Variants in RAB31 observed in about 807,000 individuals in gnomAD.
RAB31 encodes RAB31, member RAS oncogene family.
RAB31 carries 21 observed loss-of-function variants against 25.6 expected under a neutral mutation model. The ratio of observed to expected loss-of-function variants is 0.82; its 90% CI spans 0.58 to 1.18. The LOEUF (loss-of-function observed/expected upper bound fraction) is 1.18. RAB31 is among the 50% of genes most tolerant of loss of function. The pLI, the probability that RAB31 is intolerant of heterozygous loss-of-function variation, is 0.00. For missense variants in RAB31, 196 were observed against 250.1 expected (o/e 0.78, Z 1.46); for synonymous variants, 87 against 84.0 (o/e 1.04, Z -0.20).
intron 3 of RAB31, 60 bp from the exon 4 acceptor site, chr18:9,813,960 A>C (rs1421015187): frequency 1.7e-6 from 2 of 1,194,908 alleles, no homozygotes; most frequent in Non-Finnish European, 2.4e-6. Context: ...TTTATGTTTA[A>C]TTTGGGATTG....
At chr18:9,770,887 G>A (rs1358160761) in intron 1 of RAB31, among the ~76,000 whole-genome samples, 1 of 146,168 alleles carries the variant, frequency 6.8e-6, no homozygotes, top group African/African-American at 2.6e-5. Flanking sequence ...ATTTAGGCCA[G>A]TGTGGTGACT....
intron 1 of RAB31, among the ~76,000 whole-genome samples, chr18:9,715,149 A>T (rs1298423642): frequency 6.6e-6 from 1 of 152,102 alleles, no homozygotes; most frequent in East Asian, 1.9e-4. Flanking sequence ...TTGCATGTAT[A>T]GTGGGATATG....
intron 1 of RAB31, among the ~76,000 whole-genome samples, chr18:9,716,512 T>C (rs2068045190): frequency 6.6e-6 from 1 of 152,166 alleles, no homozygotes; most frequent in Non-Finnish European, 1.5e-5. Context: ...ATGTGCTTTA[T>C]GGGAAAAGAA....
intron 3 of RAB31, among the ~76,000 whole-genome samples, chr18:9,798,331 C>T (rs1051483512): frequency 1.4e-5 from 2 of 148,036 alleles, no homozygotes; most frequent in African/African-American, 5.3e-5. Context: ...TGCATCTCTC[C>T]AGTAATGGCA....
chr18:9,782,826 A>G (rs2068412018), intron 2 of RAB31, among the ~76,000 whole-genome samples: 1 of 152,072 alleles, frequency 6.6e-6, no homozygotes, highest in African/African-American at 2.4e-5. Flanking sequence ...CCTCCTGAAT[A>G]GCTGGGACCA....
chr18:9,835,207 G>C (rs545450245), intron 5 of RAB31, among the ~76,000 whole-genome samples: 28 of 152,248 alleles, frequency 1.8e-4, no homozygotes, highest in African/African-American at 6.7e-4. Context: ...GTTCTTGACC[G>C]TCATGGTATC....
chr18:9,803,122 A>T (rs936303903), intron 3 of RAB31, among the ~76,000 whole-genome samples: 8 of 152,158 alleles, frequency 5.3e-5, no homozygotes, highest in African/African-American at 1.9e-4. Context: ...CCAGCCCACG[A>T]TAGAACGTTT....
intron 3 of RAB31, among the ~76,000 whole-genome samples, chr18:9,808,169 T>A (rs1170191145): frequency 6.6e-6 from 1 of 152,050 alleles, no homozygotes; most frequent in Non-Finnish European, 1.5e-5. Flanking sequence ...CTTGGATCCC[T>A]GAATGCTGAG....
chr18:9,777,791 G>A (rs1484925032), intron 2 of RAB31, among the ~76,000 whole-genome samples: 1 of 115,796 alleles, frequency 8.6e-6, no homozygotes, highest in African/African-American at 3.5e-5. Context: ...GTCTTGCTCT[G>A]TCGCCCATGC....
intron 5 of RAB31, among the ~76,000 whole-genome samples, chr18:9,822,497 C>T (rs1347161117): frequency 6.6e-6 from 1 of 152,084 alleles, no homozygotes; most frequent in East Asian, 1.9e-4. Context: ...AATATTTGCT[C>T]TGTGAAATAT....
chr18:9,772,570 G>A (rs751281163), intron 1 of RAB31, among the ~76,000 whole-genome samples: 4 of 152,208 alleles, frequency 2.6e-5, no homozygotes, highest in Non-Finnish European at 4.4e-5. Flanking sequence ...GAGGGTTTGG[G>A]GAATGCCTGT....
chr18:9,847,613 C>T (rs1272010191), intron 6 of RAB31, among the ~76,000 whole-genome samples: 1 of 152,024 alleles, frequency 6.6e-6, no homozygotes, highest in Non-Finnish European at 1.5e-5. Context: ...GTCTTTGTTG[C>T]TCAGGCTGGA....
chr18:9,798,751 T>C (rs988005172), intron 3 of RAB31, among the ~76,000 whole-genome samples: 1 of 150,408 alleles, frequency 6.6e-6, no homozygotes, highest in African/African-American at 2.5e-5. Flanking sequence ...CCTGAGTAGC[T>C]GAGACTACCA....
chr18:9,708,498 T>C lies in RAB31; in HGVS notation c.39+54T>C, dbSNP rs952005394. The C allele has an allele frequency of 1.4e-6, 2 of 1,435,688 alleles. No homozygotes were observed. Among genetic ancestry groups the C allele is most frequent in the Non-Finnish European group, 1.9e-6 (2 of 1,069,916 alleles). The allele number at this position is 1,435,688 out of a possible 1,614,324, so 88.9% of individuals were successfully genotyped here. A position where few individuals can be genotyped will look rare whatever the true frequency, so the allele number is the denominator to read the frequency against. ...ACCCCGGCCCGCGCTCTCGCGCCCC[T>C]TCGCTCCCCTATTCCCTGCGCGCTC... On this transcript the variant is annotated intron_variant, in intron 1 of 6. Coordinates refer to ENST00000578921, the MANE Select transcript of RAB31 (RefSeq NM_006868.4). This position sits in a 1 kb window ranked among gnomAD's most constrained non-coding sequence, Gnocchi z 6.4.
At chr18:9,770,801 A>G (rs531892607) in intron 1 of RAB31, among the ~76,000 whole-genome samples, 1 of 152,020 alleles carries the variant, frequency 6.6e-6, no homozygotes, top group East Asian at 1.9e-4. Flanking sequence ...GAGCTATGCA[A>G]CGTGAAACCA....
chr18:9,814,190 C>A, intron 4 of RAB31, 99 bp downstream of exon 4: 2 of 820,950 alleles, frequency 2.4e-6, no homozygotes, highest in Non-Finnish European at 4.0e-6. Flanking sequence ...TTGCCAGTAG[C>A]GTGCCACTAT....
At chr18:9,719,298 A>AAAATATAT (rs1568161256) in intron 1 of RAB31, among the ~76,000 whole-genome samples, 1 of 23,104 alleles carries the variant, frequency 4.3e-5, no homozygotes, top group Non-Finnish European at 9.0e-5. Flanking sequence ...AAAAAAAAAA[A>AAAATATAT]ATATATATAT....
At chr18:9,857,709 TAGATA>T (rs952530616) in intron 6 of RAB31, among the ~76,000 whole-genome samples, 4 of 150,864 alleles carry the variant, frequency 2.7e-5, no homozygotes, top group African/African-American at 9.8e-5. Flanking sequence ...GATAGATAGA[TAGATA>T]GATAGATAGA....
chr18:9,776,727 G>A (rs978276859), intron 2 of RAB31, among the ~76,000 whole-genome samples: 1 of 152,092 alleles, frequency 6.6e-6, no homozygotes, highest in Admixed American at 6.5e-5. Context: ...ATTAGAGTCA[G>A]ACACCTCACA....
Sources: allele counts gnomAD v4.1 joint callset (sites outside exome capture counted in the v4.1 genomes callset), GRCh38; gene constraint gnomAD v4.1.1; non-coding constraint Gnocchi (gnomAD v3.1); transcripts MANE v1.5; gene names NCBI Gene and HGNC (gene_info 2026-07-23, HGNC 2026-07-21).